Variants in NUP43 observed in about 807,000 individuals in gnomAD.
NUP43 encodes the protein nucleoporin 43.
A neutral mutation model predicts 47.3 loss-of-function variants in NUP43; 32 were observed. That is an observed-to-expected ratio of 0.68 (90% CI 0.51 to 0.91). The LOEUF (loss-of-function observed/expected upper bound fraction) is 0.91. Among genes scored for constraint, NUP43 ranks in the 40% least tolerant of loss-of-function variants. NUP43 has a pLI of 0.00. For synonymous variants in NUP43, 147 were observed against 158.4 expected, an observed-to-expected ratio of 0.93 and a Z score of 0.54; for missense variants, 444 against 453.9, an observed-to-expected ratio of 0.98 and a Z score of 0.20.
intron 2 of NUP43, among the ~76,000 whole-genome samples, chr6:149,745,219 T>C (rs1785908058): frequency 6.6e-6 from 1 of 151,608 alleles, no homozygotes; most frequent in African/African-American, 2.4e-5. Flanking sequence ...GCTAATATGG[T>C]GAAACCCCGT....
At chr6:149,748,843 G>A (rs901365819), upstream of NUP43, among the ~76,000 whole-genome samples, 3 of 149,388 alleles carry the variant, frequency 2.0e-5, no homozygotes, top group Admixed American at 1.3e-4. Context: ...AAAAGTTACT[G>A]GACTAGATGA....
Position 149,745,942 on chromosome 6 carries a change from G to A in NUP43, c.241C>T (p.Gln81Ter). The change falls in exon 2 of 8, where the codon CAG becomes TAG. Residue 81 changes from glutamine to a stop codon, truncating the protein, a stop_gained and splice_region_variant. Coordinates refer to ENST00000340413, the MANE Select transcript of NUP43 (RefSeq NM_198887.3). LOFTEE classifies it high-confidence loss of function. ...TTTTGGATGCTACACAGATTTACCTGTAAATCCATTACATCACCATGGTGT... is the reference window on the plus strand; with the variant it reads ...TTTTGGATGCTACACAGATTTACCTATAAATCCATTACATCACCATGGTGT... ...IRHHGDVMDL[Q>*]FFDQERIVAA... The A allele has an allele frequency of 2.5e-6, 4 of 1,609,900 alleles. No individual in the cohort carries two copies. The highest frequency in any genetic ancestry group is 3.4e-6 in the Non-Finnish European group (4 of 1,178,626).
At chr6:149,728,495 A>AT in intron 7 of NUP43, 4 of 977,496 alleles carry the variant, frequency 4.1e-6, no homozygotes, top group Non-Finnish European at 4.9e-6. Context: ...AAGTTTTAGA[A>AT]TTTTTTTCCC....
intron 1 of NUP43, 45 bp downstream of exon 1, chr6:149,746,330 CG>C: frequency 6.2e-7 from 1 of 1,604,010 alleles, no homozygotes; most frequent in Non-Finnish European, 8.5e-7. Context: ...TCAGCTCAAC[CG>C]GAGAGAGGGA....
chr6:149,743,534 GC>G, intron 3 of NUP43, 103 bp downstream of exon 3: 2 of 650,012 alleles, frequency 3.1e-6, no homozygotes, highest in Non-Finnish European at 5.3e-6. Context: ...GGTGGAGGCT[GC>G]GGTGAGCCGA....
chr6:149,746,661 A>G (rs760812491), upstream of NUP43: 14 of 1,560,186 alleles, frequency 9.0e-6, no homozygotes, highest in Non-Finnish European at 1.2e-5. Flanking sequence ...CAGTACCTAG[A>G]CTGAGAGGCC....
intron 3 of NUP43, 112 bp from the exon 4 acceptor site, chr6:149,742,682 T>C (rs1785731953): frequency 2.7e-6 from 2 of 735,266 alleles, no homozygotes; most frequent in Non-Finnish European, 4.3e-6. Flanking sequence ...AGAATAAATC[T>C]CTCCTTTTTC....
intron 6 of NUP43, 108 bp from the exon 7 acceptor site, chr6:149,731,843 T>C: frequency 8.6e-7 from 1 of 1,165,544 alleles, no homozygotes; most frequent in Non-Finnish European, 1.2e-6. Context: ...TCACATACCT[T>C]CGAGCCTCAA....
At position 149,736,623 on chromosome 6, in the gene NUP43, C is replaced by A; in HGVS notation, c.639-1G>T. On this transcript the variant is annotated splice_acceptor_variant, in intron 5 of 7. Transcript: ENST00000340413. LOFTEE classifies it high-confidence loss of function. ...GTGGAGTGGCACTCGGTCACCAGTCCTTTTGTGGGAGATAACAATGACGTC... is the reference window on the plus strand; with the variant it reads ...GTGGAGTGGCACTCGGTCACCAGTCATTTTGTGGGAGATAACAATGACGTC... 1 of 1,573,576 alleles carries A rather than the reference C, an allele frequency of 6.4e-7. No individual in the cohort carries two copies. Among genetic ancestry groups the A allele is most frequent in the Non-Finnish European group, 8.7e-7 (1 of 1,148,718 alleles).
chr6:149,728,817 A>C (rs1047681043), intron 7 of NUP43, among the ~76,000 whole-genome samples: 1 of 152,052 alleles, frequency 6.6e-6, no homozygotes, highest in Admixed American at 6.6e-5. Flanking sequence ...GAATGCTTTC[A>C]TGTCACTTAT....
intron 1 of NUP43, 115 bp downstream of exon 1, chr6:149,746,261 G>A: frequency 6.8e-7 from 1 of 1,475,516 alleles, no homozygotes; most frequent in Non-Finnish European, 9.3e-7. Flanking sequence ...AGGGGTCCGG[G>A]GGACCTAAAA....
Position 149,727,022 on chromosome 6 carries a change from C to T in NUP43, c.1090G>A (p.Val364Ile). Residue 364 changes from valine to isoleucine, a missense_variant, in exon 8 of 8, where the codon GTT (valine) becomes ATT (isoleucine). By Grantham distance (29) the Val-to-Ile change is conservative. Transcript: ENST00000340413. ...NTLDVLGPCL[V>I]CGTDAEAIYV... Reference sequence around the variant, plus strand: ...ATTGCTTCTGCATCGGTTCCACAAACAAGACAAGGACCTAAAACATCCAAA... The same window carrying T: ...ATTGCTTCTGCATCGGTTCCACAAATAAGACAAGGACCTAAAACATCCAAA... 6.2e-7 allele frequency: 1 copy of T among 1,614,046 alleles called. No homozygotes were observed. The highest frequency in any genetic ancestry group is 8.5e-7 in the Non-Finnish European group (1 of 1,179,952).
upstream of NUP43, among the ~76,000 whole-genome samples, chr6:149,748,722 T>C (rs1013953461): frequency 2.1e-5 from 3 of 145,496 alleles, no homozygotes; most frequent in African/African-American, 7.7e-5. Flanking sequence ...GGCAGGAGAA[T>C]GGCCTGAACC....
At chr6:149,733,463 A>G (rs1272454917) in intron 6 of NUP43, among the ~76,000 whole-genome samples, 1 of 152,274 alleles carries the variant, frequency 6.6e-6, no homozygotes, top group East Asian at 1.9e-4. Context: ...TCTCTTTTTG[A>G]AACAGGGTCT....
intron 4 of NUP43, among the ~76,000 whole-genome samples, chr6:149,739,566 C>G (rs2115129518): frequency 6.6e-6 from 1 of 152,302 alleles, no homozygotes; most frequent in South Asian, 2.1e-4. Context: ...GAATTACAGG[C>G]ATGACCCACC....
At chr6:149,741,637 C>A in intron 4 of NUP43, among the ~76,000 whole-genome samples, 1 of 151,894 alleles carries the variant, frequency 6.6e-6, no homozygotes, top group East Asian at 1.9e-4. Flanking sequence ...TCCCGAGTAG[C>A]TGGGACTACA....
At position 149,726,832 on chromosome 6, in the gene NUP43, G is replaced by A; in HGVS notation, c.*137C>T. 3.0e-6 allele frequency: 2 copies of A among 663,594 alleles called. No homozygotes were observed. Among genetic ancestry groups the A allele is most frequent in the Admixed American group, 5.3e-5 (2 of 37,726 alleles). The allele number at this position is 663,594 out of a possible 1,614,324, so 41.1% of individuals were successfully genotyped here. A position where few individuals can be genotyped will look rare whatever the true frequency, so the allele number is the denominator to read the frequency against. On this transcript the variant is annotated 3_prime_UTR_variant, in exon 8 of 8. Transcript: ENST00000340413. ...TGTCAGGCTAACAAAAGTCAAAACT[G>A]GGCATTGACATTAATGGTAGTTTAC...
At position 149,746,456 on chromosome 6, in the gene NUP43, T is replaced by G; in HGVS notation, c.40A>C (p.Ser14Arg). Residue 14 changes from serine (S) to arginine (R), a missense_variant, in exon 1 of 8, where the codon AGC (serine) becomes CGC (arginine). Ser to Arg is a moderately radical substitution (Grantham distance 110). Coordinates refer to ENST00000340413, the MANE Select transcript of NUP43 (RefSeq NM_198887.3). ...IYAKFVSQKI[S>R]KTRWRPLPPG... is the part of the protein sequence containing the mutation. Reference sequence around the variant, plus strand: ...GGCAGCGGTCGCCAGCGGGTTTTGCTGATTTTCTGGGACACAAACTTCGCA... The same window carrying G: ...GGCAGCGGTCGCCAGCGGGTTTTGCGGATTTTCTGGGACACAAACTTCGCA... 1 of 1,614,200 alleles carries G rather than the reference T, an allele frequency of 6.2e-7. No homozygotes were observed. The highest frequency in any genetic ancestry group is 8.5e-7 in the Non-Finnish European group (1 of 1,180,042).
At chr6:149,744,306 A>G (rs1785841770) in intron 2 of NUP43, among the ~76,000 whole-genome samples, 1 of 151,902 alleles carries the variant, frequency 6.6e-6, no homozygotes, top group Admixed American at 6.6e-5. Flanking sequence ...CAAGCGGATC[A>G]CGAGGTCAGG....
Sources: gnomAD v4.1 joint callset for allele counts (sites outside exome capture counted in the v4.1 genomes callset) on GRCh38, gnomAD v4.1.1 for gene constraint, MANE v1.5 for transcripts, NCBI Gene and HGNC (gene_info 2026-07-23, HGNC 2026-07-21) for gene names.